KIF1B: variants seen among roughly 807,000 people sequenced by gnomAD.
KIF1B encodes the protein kinesin-like protein KIF1B.
A neutral mutation model predicts 241.9 loss-of-function variants in KIF1B; 76 were observed. That is an observed-to-expected ratio of 0.31 (90% CI 0.26 to 0.38). KIF1B has a LOEUF of 0.38. Ranked by LOEUF, KIF1B falls within the 10% of genes least tolerant of loss-of-function variation. The pLI is 1.00. For missense variants in KIF1B, 1,622 were observed against 2,271.4 expected (o/e 0.71, Z 5.81); for synonymous variants, 750 against 796.7 (o/e 0.94, Z 0.99).
Position 10,303,982 on chromosome 1 carries a change from C to T in KIF1B, c.2115+6736C>T. 1 of 1,613,176 alleles carries T rather than the reference C, an allele frequency of 6.2e-7. No individual in the cohort carries two copies. The highest frequency in any genetic ancestry group is 8.5e-7 in the Non-Finnish European group (1 of 1,179,526). The stretch of plus-strand genomic sequence containing the variant: ...AGAGCAAATTCGGTTTAAGAACTTG[C>T]AACAGCAGGAGATAACAAAGCAGCT... On this transcript the variant is annotated intron_variant, in intron 22 of 48. Transcript: ENST00000676179. This position sits in a 1 kb window ranked among gnomAD's most constrained non-coding sequence, Gnocchi z 5.2.
intron 27 of KIF1B, among the ~76,000 whole-genome samples, chr1:10,331,577 GT>G (rs1418602909): frequency 1.3e-5 from 2 of 152,146 alleles, no homozygotes; most frequent in Non-Finnish European, 2.9e-5. Context: ...TATTATGTCT[GT>G]TTTCATAATT....
Position 10,326,274 on chromosome 1 carries a change from G to T in KIF1B, c.2839G>T (p.Ala947Ser), listed in dbSNP as rs748284088. 34 of 1,614,056 alleles carry T rather than the reference G, an allele frequency of 2.1e-5. No individual in the cohort carries two copies. The Middle Eastern group carries it at 4.9e-4, about 23-fold the overall frequency. The change falls in exon 27 of 49, where the codon GCA (alanine) becomes TCA (serine). Residue 947 changes from alanine to serine, a missense_variant. By Grantham distance (99) the Ala-to-Ser change is moderately conservative. Coordinates refer to ENST00000676179, the MANE Select transcript of KIF1B (RefSeq NM_001365951.3). The surrounding 1 kb of genome is among the most constrained non-coding windows in gnomAD (Gnocchi z 5.2). ...ATTCGTGGATGACGCCGGCTCTGAC[G>T]CAGGGACGGAGGAGGGATCAGATCT... is the stretch of plus-strand genomic sequence containing the variant. Reference protein sequence around the residue: ...EAFVDDAGSDAGTEEGSDLFS... With the variant: ...EAFVDDAGSDSGTEEGSDLFS...
At chr1:10,220,888 C>G (rs996264650) in intron 1 of KIF1B, among the ~76,000 whole-genome samples, 2 of 152,030 alleles carry the variant, frequency 1.3e-5, no homozygotes, top group Non-Finnish European at 2.9e-5. Flanking sequence ...GTCTTGAACT[C>G]CTGACCTCAA....
chr1:10,291,684 C>G (rs1387208284), intron 16 of KIF1B, among the ~76,000 whole-genome samples: 3 of 150,886 alleles, frequency 2.0e-5, no homozygotes, highest in Non-Finnish European at 4.4e-5. Context: ...TGCACTGCAG[C>G]CTGGGTGACA....
intron 40 of KIF1B, among the ~76,000 whole-genome samples, chr1:10,362,734 T>G (rs1295371893): frequency 6.6e-6 from 1 of 152,166 alleles, no homozygotes; most frequent in Non-Finnish European, 1.5e-5. Context: ...TTTTCTAGTT[T>G]ATCATTCAAT....
At chr1:10,306,651 G>A (rs1650840406) in intron 22 of KIF1B, 1 of 649,174 alleles carries the variant, frequency 1.5e-6, no homozygotes, top group Non-Finnish European at 2.0e-6. Flanking sequence ...ACCCAGCCCA[G>A]GTTGGAAATG....
At chr1:10,373,731 G>A (rs1308372396) in intron 45 of KIF1B, among the ~76,000 whole-genome samples, 2 of 152,196 alleles carry the variant, frequency 1.3e-5, no homozygotes, top group South Asian at 4.1e-4. Context: ...CTGCACAGCC[G>A]TTCAGGAACC....
At chr1:10,293,115 A>G (rs1268624767) in intron 17 of KIF1B, among the ~76,000 whole-genome samples, 1 of 150,406 alleles carries the variant, frequency 6.6e-6, no homozygotes, top group Non-Finnish European at 1.5e-5. Context: ...CCAAATTCCA[A>G]TGTGTTATTT....
chr1:10,305,528 TG>T, intron 22 of KIF1B: 1 of 1,059,834 alleles, frequency 9.4e-7, no homozygotes, highest in African/African-American at 1.6e-5. Context: ...GGGACAGACA[TG>T]GGGGACAAAG....
At chr1:10,285,508 G>A (rs1649642415) in intron 15 of KIF1B, among the ~76,000 whole-genome samples, 1 of 152,152 alleles carries the variant, frequency 6.6e-6, no homozygotes, top group African/African-American at 2.4e-5. Context: ...AGACAAAACT[G>A]TATTACTTCA....
At chr1:10,350,264 AAAAT>A (rs1382852279) in intron 37 of KIF1B, among the ~76,000 whole-genome samples, 2 of 150,670 alleles carry the variant, frequency 1.3e-5, no homozygotes, top group African/African-American at 2.5e-5. Context: ...ACTCTGTTTA[AAAAT>A]AAATAAATAG....
chr1:10,215,162 ATATATATATATTTT>A (rs1288403620), intron 1 of KIF1B, among the ~76,000 whole-genome samples: 23 of 71,198 alleles, frequency 3.2e-4, no homozygotes, highest in East Asian at 2.5e-3. Flanking sequence ...ATATATATAT[ATATATATATATTTT>A]TTTTTTTTTT....
At chr1:10,368,414 T>C in intron 43 of KIF1B, 53 bp from the exon 44 acceptor site, 1 of 1,508,620 alleles carries the variant, frequency 6.6e-7, no homozygotes, top group Non-Finnish European at 9.2e-7. Flanking sequence ...ATCCCAAGGC[T>C]CCTGGCTGTT....
At chr1:10,341,486 G>C (rs1557725080) in intron 32 of KIF1B, among the ~76,000 whole-genome samples, 1 of 152,242 alleles carries the variant, frequency 6.6e-6, no homozygotes, top group African/African-American at 2.4e-5. Flanking sequence ...GCAGGTGAGT[G>C]AGTGAGCCAG....
intron 4 of KIF1B, among the ~76,000 whole-genome samples, chr1:10,260,736 G>A (rs984139859): frequency 6.6e-6 from 1 of 151,422 alleles, no homozygotes; most frequent in Non-Finnish European, 1.5e-5. Context: ...GCATGGTGGC[G>A]CATGCCTGTA....
At position 10,285,710 on chromosome 1, in the gene KIF1B, A is replaced by C. The variant is rs80037424; in HGVS notation, c.1434+3177A>C. On this transcript the variant is annotated intron_variant, in intron 15 of 48. Coordinates refer to ENST00000676179, the MANE Select transcript of KIF1B (RefSeq NM_001365951.3). ...CTGCTCTTATTTTGTGAATGGTGAG[A>C]ATTTCTTTCGGGCAGACCTGCATTT... 5.8e-3 allele frequency among the ~76,000 whole-genome samples: 882 copies of C among 152,222 alleles called. 5 individuals are homozygous for C. Among genetic ancestry groups the C allele is most frequent in the Middle Eastern group, 0.034 (10 of 294 alleles).
At chr1:10,308,569 A>T (rs1226419480) in intron 22 of KIF1B, 20 of 1,017,962 alleles carry the variant, frequency 2.0e-5, no homozygotes, top group Middle Eastern at 4.7e-4. Flanking sequence ...TAAAGACCTC[A>T]TTCAATAAAA....
intron 1 of KIF1B, among the ~76,000 whole-genome samples, chr1:10,229,442 C>T (rs377175729): frequency 2.0e-5 from 3 of 152,148 alleles, no homozygotes; most frequent in South Asian, 2.1e-4. Context: ...TGCTAGCAAA[C>T]GAGACAGGAG....
intron 5 of KIF1B, among the ~76,000 whole-genome samples, chr1:10,265,436 A>G (rs954132713): frequency 3.3e-5 from 5 of 151,838 alleles, no homozygotes; most frequent in East Asian, 2.0e-4. Flanking sequence ...GGGTTTTACC[A>G]TGTTACCCAG....
Sources: allele counts gnomAD v4.1 joint callset (sites outside exome capture counted in the v4.1 genomes callset), GRCh38; gene constraint gnomAD v4.1.1; non-coding constraint Gnocchi (gnomAD v3.1); transcripts MANE v1.5; gene names NCBI Gene and HGNC (gene_info 2026-07-23, HGNC 2026-07-21).